CACNA2D3: variants seen among roughly 807,000 people sequenced by gnomAD.
CACNA2D3 encodes calcium voltage-gated channel auxiliary subunit alpha2delta 3, also known as voltage-dependent calcium channel subunit alpha-2/delta-3.
A neutral mutation model predicts 160.6 loss-of-function variants in CACNA2D3; 60 were observed. The ratio of observed to expected loss-of-function variants is 0.37; its 90% CI spans 0.30 to 0.46. The LOEUF is 0.46. CACNA2D3 is among the 20% of genes least tolerant of loss of function. The pLI, the probability that CACNA2D3 is intolerant of heterozygous loss-of-function variation, is 1.00. For synonymous variants in CACNA2D3, 558 were observed against 492.9 expected (o/e 1.13, Z -1.75); for missense variants, 1,205 against 1,365.0 (o/e 0.88, Z 1.85).
chr3:54,667,865 T>C (rs1700094028), intron 11 of CACNA2D3, among the ~76,000 whole-genome samples: 1 of 151,694 alleles, frequency 6.6e-6, no homozygotes, highest in South Asian at 2.1e-4. Flanking sequence ...GAGGATCACC[T>C]GAGCCTGGGA....
intron 5 of CACNA2D3, among the ~76,000 whole-genome samples, chr3:54,521,975 G>A (rs1385400305): frequency 6.6e-6 from 1 of 152,122 alleles, no homozygotes; most frequent in Middle Eastern, 3.2e-3. Flanking sequence ...GCAAGTATGA[G>A]TCCTCTGATT....
chr3:54,818,786 C>A (rs1375087069), intron 14 of CACNA2D3, among the ~76,000 whole-genome samples: 4 of 152,168 alleles, frequency 2.6e-5, no homozygotes, highest in Non-Finnish European at 5.9e-5. Context: ...CCTATCATGG[C>A]TAGAAATTGT....
At chr3:54,391,512 C>CTTTTT (rs199908584) in intron 4 of CACNA2D3, among the ~76,000 whole-genome samples, 3 of 148,352 alleles carry the variant, frequency 2.0e-5, no homozygotes, top group Non-Finnish European at 3.0e-5. Context: ...TTCTTTCTTT[C>CTTTTT]TTTCTTTTTT....
At chr3:54,362,924 C>T (rs963829822) in intron 3 of CACNA2D3, among the ~76,000 whole-genome samples, 51 of 152,286 alleles carry the variant, frequency 3.3e-4, no homozygotes, top group African/African-American at 1.1e-3. Context: ...CAGCCAGACA[C>T]GGTGGCTCAT....
At chr3:54,175,502 A>G (rs1287788095) in intron 2 of CACNA2D3, among the ~76,000 whole-genome samples, 1 of 151,112 alleles carries the variant, frequency 6.6e-6, no homozygotes. Context: ...AGTCCCAGCT[A>G]CTCGGAAGGC....
intron 3 of CACNA2D3, among the ~76,000 whole-genome samples, chr3:54,329,310 A>G (rs1197306707): frequency 2.6e-5 from 4 of 152,116 alleles, no homozygotes; most frequent in Non-Finnish European, 4.4e-5. Context: ...TTAAGTGCTC[A>G]GTAAATGTTT....
At position 54,896,679 on chromosome 3, in the gene CACNA2D3, T is replaced by C. The variant is rs1575538179; in HGVS notation, c.2247-70T>C. 4 of 1,598,910 alleles carry C rather than the reference T, an allele frequency of 2.5e-6. No homozygotes were observed. In the African/African-American group the frequency reaches 4.0e-5, roughly 16 times the overall value. On this transcript the variant is annotated intron_variant, in intron 25 of 37. Transcript: ENST00000474759. ...CACTGGTTTTACCTGATGAAGGCTG[T>C]CGGGGTGCTCCAGGCCCACCTTTAC...
rs1559477196 is a variant in CACNA2D3 at position 54,422,267 on chromosome 3, A to G, written c.381+35493A>G. 2.0e-5 allele frequency among the ~76,000 whole-genome samples: 3 copies of G among 152,220 alleles called. No individual in the cohort carries two copies. In the South Asian group the frequency reaches 6.2e-4, roughly 32 times the overall value. On this transcript the variant is annotated intron_variant, in intron 4 of 37. Transcript: ENST00000474759. ...GACACTAAAGATTTTTCAAAAGGTAACAGCAATAGCAAATTGGAGTTTGTG... is the reference window on the plus strand; with the variant it reads ...GACACTAAAGATTTTTCAAAAGGTAGCAGCAATAGCAAATTGGAGTTTGTG...
At chr3:54,764,377 A>C (rs769526570) in intron 13 of CACNA2D3, 26 bp downstream of exon 13, 2 of 1,612,788 alleles carry the variant, frequency 1.2e-6, no homozygotes, top group East Asian at 4.5e-5. Flanking sequence ...CCTGGGAAAG[A>C]GGCTAAGCTT....
At chr3:54,405,106 ATACTATACTATACTGTACTG>A (rs992121047) in intron 4 of CACNA2D3, among the ~76,000 whole-genome samples, 9 of 151,836 alleles carry the variant, frequency 5.9e-5, no homozygotes, top group Admixed American at 3.9e-4. Flanking sequence ...TGTCTATACT[ATACTATACTATACTGTACTG>A]TACTATACTA....
At chr3:54,636,666 C>T (rs1699380038) in intron 10 of CACNA2D3, among the ~76,000 whole-genome samples, 1 of 151,976 alleles carries the variant, frequency 6.6e-6, no homozygotes, top group Non-Finnish European at 1.5e-5. Context: ...TGTAAGAATT[C>T]TGACTGCACT....
At chr3:55,040,639 C>G (rs1341002994) in intron 35 of CACNA2D3, among the ~76,000 whole-genome samples, 1 of 152,130 alleles carries the variant, frequency 6.6e-6, no homozygotes, top group African/African-American at 2.4e-5. Flanking sequence ...GATCTATGAT[C>G]ATGCCACTGT....
At chr3:54,804,238 C>G (rs1240467780) in intron 13 of CACNA2D3, among the ~76,000 whole-genome samples, 3 of 151,880 alleles carry the variant, frequency 2.0e-5, no homozygotes, top group East Asian at 3.9e-4. Context: ...ACTAAATGCT[C>G]CAATTAAAAG....
chr3:54,379,412 C>T (rs916451670), intron 3 of CACNA2D3, among the ~76,000 whole-genome samples: 4 of 152,102 alleles, frequency 2.6e-5, no homozygotes, highest in Admixed American at 6.5e-5. Flanking sequence ...CTATTGGAAT[C>T]GAAAAGTAAA....
At chr3:54,900,229 A>T (rs1226594178) in intron 27 of CACNA2D3, among the ~76,000 whole-genome samples, 1 of 152,170 alleles carries the variant, frequency 6.6e-6, no homozygotes, top group Non-Finnish European at 1.5e-5. Flanking sequence ...ATACAAGGAA[A>T]TTGCAGGTTT....
chr3:54,374,899 A>G (rs1381403851), intron 3 of CACNA2D3, among the ~76,000 whole-genome samples: 1 of 151,094 alleles, frequency 6.6e-6, no homozygotes, highest in Non-Finnish European at 1.5e-5. Context: ...TCAATAATCA[A>G]TAATATTTGG....
At chr3:54,739,632 A>G (rs1468640251) in intron 11 of CACNA2D3, among the ~76,000 whole-genome samples, 2 of 152,026 alleles carry the variant, frequency 1.3e-5, no homozygotes, top group African/African-American at 4.8e-5. Flanking sequence ...CTCCTTATCA[A>G]CTGGAGCTGG....
At chr3:54,771,546 G>T (rs1702322021) in intron 13 of CACNA2D3, among the ~76,000 whole-genome samples, 1 of 152,126 alleles carries the variant, frequency 6.6e-6, no homozygotes, top group Non-Finnish European at 1.5e-5. Context: ...GCTGTCAGCT[G>T]GGGACCACTC....
At chr3:54,836,127 G>T (rs1698673983) in intron 14 of CACNA2D3, among the ~76,000 whole-genome samples, 1 of 151,956 alleles carries the variant, frequency 6.6e-6, no homozygotes, top group Non-Finnish European at 1.5e-5. Context: ...TGTGTAAAAA[G>T]CAGGTGCAAT....
Sources: allele counts gnomAD v4.1 joint callset (sites outside exome capture counted in the v4.1 genomes callset), GRCh38; gene constraint gnomAD v4.1.1; transcripts MANE v1.5; gene names NCBI Gene and HGNC (gene_info 2026-07-23, HGNC 2026-07-21).